The following STRADB variants were observed in gnomAD, a reference collection of about 807,000 sequenced individuals.
STRADB encodes STE20 related adaptor beta, also known as STE20-related kinase adapter protein beta.
STRADB carries 34 observed loss-of-function variants against 52.1 expected under a neutral mutation model. The observed-to-expected ratio is 0.65, with a 90% CI of 0.50 to 0.87. The LOEUF (loss-of-function observed/expected upper bound fraction) is 0.87, where lower values mean the gene tolerates loss of function less well. Among genes scored for constraint, STRADB ranks in the 40% least tolerant of loss-of-function variants. STRADB has a pLI of 0.00. For synonymous variants in STRADB, 133 were observed against 174.5 expected (o/e 0.76, Z 1.87); for missense variants, 340 against 483.9 (o/e 0.70, Z 2.79).
chr2:201,473,388 G>A (rs1396489620), intron 5 of STRADB, among the ~76,000 whole-genome samples: 6 of 152,074 alleles, frequency 3.9e-5, no homozygotes, highest in South Asian at 2.1e-4. Context: ...TGTAGGAGGC[G>A]GTCAGGGGAT....
At position 201,480,521 on chromosome 2, in the gene STRADB, G is replaced by A. The variant is rs2125685611; in HGVS notation, c.*346G>A. On this transcript the variant is annotated 3_prime_UTR_variant, in exon 12 of 12. Coordinates refer to ENST00000194530, the MANE Select transcript of STRADB (RefSeq NM_018571.6). ...TGTCCCTTGGGAATGGGCCCTCAGA[G>A]GACAGTGCTTCCAAGTACATCTTCT... The A allele has an allele frequency of 1.9e-6, 2 of 1,029,020 alleles. No individual in the cohort carries two copies. Among genetic ancestry groups the A allele is most frequent in the African/African-American group, 3.4e-5 (2 of 58,420 alleles). The allele number at this position is 1,029,020 out of a possible 1,614,324, so 63.7% of individuals were successfully genotyped here. A position where few individuals can be genotyped will look rare whatever the true frequency, so the allele number is the denominator to read the frequency against.
intron 5 of STRADB, among the ~76,000 whole-genome samples, chr2:201,473,828 C>T (rs1041115523): frequency 1.1e-4 from 16 of 150,832 alleles, no homozygotes; most frequent in East Asian, 1.9e-4. Flanking sequence ...CCATTTTTAT[C>T]GTCACTAATC....
At chr2:201,456,447 A>G (rs747779725) in intron 2 of STRADB, among the ~76,000 whole-genome samples, 3 of 152,262 alleles carry the variant, frequency 2.0e-5, no homozygotes, top group Non-Finnish European at 2.9e-5. Flanking sequence ...CTATTATTCC[A>G]TAATTATGGG....
chr2:201,473,330 A>G (rs969775663), intron 5 of STRADB, among the ~76,000 whole-genome samples: 1 of 152,214 alleles, frequency 6.6e-6, no homozygotes, highest in African/African-American at 2.4e-5. Flanking sequence ...GCCATTTTAT[A>G]CAAGGGACTT....
At chr2:201,469,759 T>C (rs1952360957) in intron 3 of STRADB, among the ~76,000 whole-genome samples, 194 bp from the exon 4 acceptor site, 1 of 152,214 alleles carries the variant, frequency 6.6e-6, no homozygotes, top group Admixed American at 6.5e-5. Flanking sequence ...CTCCATAGGC[T>C]AACAGCTTTC....
chr2:201,459,628 T>G (rs2125673107), intron 3 of STRADB, among the ~76,000 whole-genome samples: 1 of 152,280 alleles, frequency 6.6e-6, no homozygotes, highest in South Asian at 2.1e-4. Flanking sequence ...CTCTTGCAGG[T>G]GGACTCCTTG....
intron 3 of STRADB, among the ~76,000 whole-genome samples, chr2:201,461,645 A>G (rs1342849521): frequency 7.1e-6 from 1 of 141,420 alleles, no homozygotes; most frequent in Non-Finnish European, 1.6e-5. Flanking sequence ...TTGTCTCTTC[A>G]CTTTGTTTTT....
intron 3 of STRADB, among the ~76,000 whole-genome samples, chr2:201,467,696 C>A (rs2125677737): frequency 6.6e-6 from 1 of 152,252 alleles, no homozygotes; most frequent in East Asian, 1.9e-4. Flanking sequence ...GAACCTTCAC[C>A]AATTTGGTTG....
rs1278857593 is a variant in STRADB, at chr2:201,480,544, T to C, written c.*369T>C. The C allele has an allele frequency of 9.9e-7, 1 of 1,009,976 alleles. No individual in the cohort carries two copies. The highest frequency in any genetic ancestry group is 1.2e-6 in the Non-Finnish European group (1 of 844,666). The allele number at this position is 1,009,976 out of a possible 1,614,324, so 62.6% of individuals were successfully genotyped here. On this transcript the variant is annotated 3_prime_UTR_variant, in exon 12 of 12. Coordinates refer to ENST00000194530, the MANE Select transcript of STRADB (RefSeq NM_018571.6). ...GAGGACAGTGCTTCCAAGTACATCT[T>C]CTCCCAGATTCTCTGGCCTTTTTAA...
Position 201,470,054 on chromosome 2 carries a change from T to C in STRADB, c.193+2T>C. The C allele has an allele frequency of 6.2e-7, 1 of 1,601,684 alleles. No homozygotes were observed. The highest frequency in any genetic ancestry group is 8.6e-7 in the Non-Finnish European group (1 of 1,168,710). ...ACTATGAGCTCCAAGTAGAAATAGG[T>C]AATAATCCTGAATTTCTAATTGACC... is the stretch of plus-strand genomic sequence containing the variant. On this transcript the variant is annotated splice_donor_variant, in intron 4 of 11. Transcript: ENST00000194530. LOFTEE classifies it high-confidence loss of function.
At chr2:201,454,910 G>T in intron 2 of STRADB, 58 bp downstream of exon 2, 1 of 1,510,296 alleles carries the variant, frequency 6.6e-7, no homozygotes, top group African/African-American at 1.4e-5. Flanking sequence ...GGATGTTAAT[G>T]CCAAGCCATA....
In STRADB at chr2:201,475,738, C is replaced by T. The variant is rs865949332; in HGVS notation, c.544C>T (p.His182Tyr). The change falls in exon 7 of 12, where the codon CAC (histidine) becomes TAC (tyrosine). Residue 182 changes from histidine (H) to tyrosine (Y), a missense_variant. Coordinates refer to ENST00000194530, the MANE Select transcript of STRADB (RefSeq NM_018571.6). ...CTATCTGCACCAAAATGGCTGTATT[C>T]ACAGGTATTTACTTATTTGTATTTA... ...LNYLHQNGCI[H>Y]RSIKASHILI... is the part of the protein sequence containing the mutation. The T allele has an allele frequency of 6.2e-7, 1 of 1,605,100 alleles. No individual in the cohort carries two copies. Among genetic ancestry groups the T allele is most frequent in the East Asian group, 2.2e-5 (1 of 44,548 alleles).
In STRADB at chr2:201,458,761, T is replaced by C. The variant is rs1387390422; in HGVS notation, c.13-23T>C. 35 of 1,609,198 alleles carry C rather than the reference T, an allele frequency of 2.2e-5. No individual in the cohort carries two copies. In the South Asian group the frequency reaches 2.2e-4, roughly 10 times the overall value. On this transcript the variant is annotated intron_variant, in intron 2 of 11. Transcript: ENST00000194530. ...TATCCTGTAACTTATTTTTCACTTATATAATGCATTTCTGACTTCCAGGAT... is the reference window on the plus strand; with the variant it reads ...TATCCTGTAACTTATTTTTCACTTACATAATGCATTTCTGACTTCCAGGAT...
chr2:201,479,476 T>C lies in STRADB; in HGVS notation c.1071-13T>C. ...TAAAGGTTTTTTTTTTATAACTTTC[T>C]TAAAAATTTCAGGCCATCAGCAAGC... On this transcript the variant is annotated splice_polypyrimidine_tract_variant and intron_variant, in intron 10 of 11. Coordinates refer to ENST00000194530, the MANE Select transcript of STRADB (RefSeq NM_018571.6). 6.3e-7 allele frequency: 1 copy of C among 1,592,010 alleles called. No individual in the cohort carries two copies. Among genetic ancestry groups the C allele is most frequent in the African/African-American group, 1.4e-5 (1 of 73,426 alleles).
At chr2:201,477,971 C>T (rs767443216) in intron 8 of STRADB, 116 bp from the exon 9 acceptor site, 46 of 1,159,462 alleles carry the variant, frequency 4.0e-5, no homozygotes, top group Non-Finnish European at 4.9e-5. Flanking sequence ...CTTGATTTGT[C>T]GCTTATGGGT....
chr2:201,461,874 G>C (rs978755506), intron 3 of STRADB, among the ~76,000 whole-genome samples: 1 of 152,044 alleles, frequency 6.6e-6, no homozygotes, highest in Non-Finnish European at 1.5e-5. Flanking sequence ...CAAGAGATAG[G>C]GGTCTACTTT....
In STRADB at chr2:201,464,481, C is replaced by T. The variant is rs185727949; in HGVS notation, c.94-5472C>T. Reference sequence around the variant, plus strand: ...CCATGCTGAGCTGCCTGGAGCTGGGCGAGGGGTGACACAATTACCCCTGTT... The same window carrying T: ...CCATGCTGAGCTGCCTGGAGCTGGGTGAGGGGTGACACAATTACCCCTGTT... On this transcript the variant is annotated intron_variant, in intron 3 of 11. Transcript: ENST00000194530. Among the ~76,000 whole-genome samples, 523 of 152,248 alleles carry T rather than the reference C, an allele frequency of 3.4e-3. 5 individuals are homozygous for T. Among genetic ancestry groups the T allele is most frequent in the African/African-American group, 0.012 (502 of 41,550 alleles).
intron 2 of STRADB, among the ~76,000 whole-genome samples, chr2:201,458,117 T>C (rs1158337463): frequency 1.3e-5 from 2 of 152,250 alleles, no homozygotes; most frequent in Non-Finnish European, 2.9e-5. Flanking sequence ...TTTGACATAC[T>C]TTTTCTTCCT....
intron 3 of STRADB, among the ~76,000 whole-genome samples, chr2:201,460,120 A>G (rs1216094414): frequency 6.6e-6 from 1 of 151,602 alleles, no homozygotes; most frequent in African/African-American, 2.4e-5. Context: ...TTATAATTTA[A>G]CCCCCAGTCC....
Sources: allele counts gnomAD v4.1 joint callset (sites outside exome capture counted in the v4.1 genomes callset), GRCh38; gene constraint gnomAD v4.1.1; transcripts MANE v1.5; gene names NCBI Gene and HGNC (gene_info 2026-07-23, HGNC 2026-07-21).